The following CEP72 variants were observed in gnomAD, a reference collection of about 807,000 sequenced individuals.
CEP72 encodes centrosomal protein 72.
Under a neutral mutation model 65.7 loss-of-function variants are expected in CEP72, and 78 were observed. The observed-to-expected ratio is 1.19, with a 90% confidence interval of 0.99 to 1.43. The LOEUF is 1.43. Among genes scored for constraint, CEP72 ranks in the 40% most tolerant of loss-of-function variants. The probability of loss-of-function intolerance (pLI) is 0.00; values close to 1 mark genes in which losing one functional copy is unlikely to be tolerated. For missense variants in CEP72, 914 were observed against 832.9 expected, an observed-to-expected ratio of 1.10 and a Z score of -1.20; for synonymous variants, 358 against 351.7, an observed-to-expected ratio of 1.02 and a Z score of -0.20.
chr5:624,196 T>C lies in CEP72; in HGVS notation c.404-275T>C, dbSNP rs1736583214. On this transcript the variant is annotated intron_variant, in intron 3 of 11. Coordinates refer to ENST00000264935, the MANE Select transcript of CEP72 (RefSeq NM_018140.4). The surrounding 1 kb of genome is among the most constrained non-coding windows in gnomAD (Gnocchi z 4.7). Reference sequence around the variant, plus strand: ...CCCACCCCGCACCCGGTGTGCACTTTAGAGAAAGGGTGTGCGTGTGTGTGT... The same window carrying C: ...CCCACCCCGCACCCGGTGTGCACTTCAGAGAAAGGGTGTGCGTGTGTGTGT... 6.6e-6 allele frequency among the ~76,000 whole-genome samples: 1 copy of C among 152,182 alleles called. No homozygotes were observed. The highest frequency in any genetic ancestry group is 6.5e-5 in the Admixed American group (1 of 15,280).
At chr5:654,090 T>C (rs1431834867), downstream of CEP72, among the ~76,000 whole-genome samples, 27 of 137,156 alleles carry the variant, frequency 2.0e-4, no homozygotes, top group Non-Finnish European at 3.3e-4. Context: ...AGTGTGTGTG[T>C]GCTAGCTGTG....
intron 11 of CEP72, among the ~76,000 whole-genome samples, chr5:648,896 G>A (rs1433325113): frequency 1.2e-4 from 15 of 129,498 alleles, no homozygotes; most frequent in East Asian, 2.6e-4. Flanking sequence ...ACTGTGAGGC[G>A]TGGACTGTGA....
Position 628,298 on chromosome 5 carries a change from A to G in CEP72, c.512+3719A>G, listed in dbSNP as rs542922080. On this transcript the variant is annotated intron_variant, in intron 4 of 11. Transcript: ENST00000264935. ...TGGAAGATGACGTGGGTCAATGTCC[A>G]TACCGCACAGAGGAGGTGGGGGACG... Among the ~76,000 whole-genome samples the G allele has an allele frequency of 1.2e-4, 18 of 152,380 alleles. 1 individual carries two copies. The South Asian group carries it at 3.3e-3, about 28-fold the overall frequency.
chr5:671,517 TG>T (rs1740223788), downstream of CEP72, among the ~76,000 whole-genome samples: 1 of 152,234 alleles, frequency 6.6e-6, no homozygotes, highest in South Asian at 2.1e-4. Flanking sequence ...GTCAGGCTCA[TG>T]GGGCAAAGTG....
Position 623,317 on chromosome 5 carries a change from G to A in CEP72, c.404-1154G>A, listed in dbSNP as rs1156602315. 2.0e-5 allele frequency among the ~76,000 whole-genome samples: 3 copies of A among 152,248 alleles called. No homozygotes were observed. The highest frequency in any genetic ancestry group is 4.4e-5 in the Non-Finnish European group (3 of 68,044). On this transcript the variant is annotated intron_variant, in intron 3 of 11. Transcript: ENST00000264935. This position sits in a 1 kb window ranked among gnomAD's most constrained non-coding sequence, Gnocchi z 5.3. Reference sequence around the variant, plus strand: ...CCACGGAGGTGCGGGGCCCCGGGACGGCCTGCTGCCCTGCGTGGTGCCTCC... The same window carrying A: ...CCACGGAGGTGCGGGGCCCCGGGACAGCCTGCTGCCCTGCGTGGTGCCTCC...
At chr5:636,339 C>T (rs1300613056) in intron 6 of CEP72, among the ~76,000 whole-genome samples, 9 of 152,182 alleles carry the variant, frequency 5.9e-5, no homozygotes, top group African/African-American at 1.7e-4. Flanking sequence ...TTTCTCTGCA[C>T]GTGTGTGTGT....
intron 8 of CEP72, among the ~76,000 whole-genome samples, chr5:639,774 C>G (rs1737876320): frequency 6.6e-6 from 1 of 152,220 alleles, no homozygotes; most frequent in African/African-American, 2.4e-5. Context: ...CCCAGGGGCA[C>G]CTTCTCTTTG....
At chr5:612,490 G>A (rs1041581983) in intron 1 of CEP72, 47 bp downstream of exon 1, 6 of 1,372,308 alleles carry the variant, frequency 4.4e-6, no homozygotes, top group African/African-American at 3.0e-5. Flanking sequence ...TGGCGGGGGG[G>A]TGGGTGCCGA....
At chr5:636,711 G>C (rs1737624604) in intron 6 of CEP72, among the ~76,000 whole-genome samples, 1 of 151,142 alleles carries the variant, frequency 6.6e-6, no homozygotes, top group Non-Finnish European at 1.5e-5. Flanking sequence ...TCAGGAGGCT[G>C]AGGCATGAGA....
chr5:649,233 AGGTGT>A lies in CEP72; in HGVS notation c.1778+1319_1778+1323del, dbSNP rs1228966435. On this transcript the variant is annotated intron_variant, in intron 11 of 11. Coordinates refer to ENST00000264935, the MANE Select transcript of CEP72 (RefSeq NM_018140.4). ...GTGTGGACTGTGAGGTGTGACTGTG[AGGTGT>A]GACTGTGAGGTGTGGACTGTGAGGT... 5.8e-4 allele frequency among the ~76,000 whole-genome samples: 47 copies of A among 81,056 alleles called. 1 individual carries two copies. Among genetic ancestry groups the A allele is most frequent in the African/African-American group, 2.7e-3 (45 of 16,952 alleles). The allele number at this position is 81,056 out of a possible 152,430, so 53.2% of individuals were successfully genotyped here. A position where few individuals can be genotyped will look rare whatever the true frequency, so the allele number is the denominator to read the frequency against.
chr5:628,889 G>C (rs972611787), intron 4 of CEP72, among the ~76,000 whole-genome samples: 1 of 110,300 alleles, frequency 9.1e-6, no homozygotes, highest in Non-Finnish European at 1.9e-5. Context: ...TCAGGTTGCC[G>C]TCCCTGGGGA....
chr5:664,006 GGGCTCTGCTCAGCCCCCTGCT>G (rs1467876512), intron 2 of CEP72: 2 of 152,578 alleles, frequency 1.3e-5, no homozygotes. Flanking sequence ...TGTCCTGGAT[GGGCTCTGCTCAGCCCCCTGCT>G]GGCAGAGAAA....
chr5:614,653 G>A lies in CEP72; in HGVS notation c.82+2210G>A, dbSNP rs112166933. ...TGGGATTACAGGCATGATCCACCGC[G>A]CCCGGCCTGACCTGTGGATTTTTAA... On this transcript the variant is annotated intron_variant, in intron 1 of 11. Transcript: ENST00000264935. Among the ~76,000 whole-genome samples the A allele has an allele frequency of 6.1e-4, 93 of 152,030 alleles. 1 individual carries two copies. The highest frequency in any genetic ancestry group is 1.8e-3 in the African/African-American group (75 of 41,468).
In CEP72 at chr5:637,746, G is replaced by T. The variant is rs776362091; in HGVS notation, c.1134G>T (p.Gly378=). 32 of 1,612,572 alleles carry T rather than the reference G, an allele frequency of 2.0e-5. No individual in the cohort carries two copies. Among genetic ancestry groups the T allele is most frequent in the Non-Finnish European group, 2.7e-5 (32 of 1,179,526 alleles). The change falls in exon 7 of 12, where the codon GGG becomes GGT. Residue 378 remains glycine (G), a synonymous_variant. Coordinates refer to ENST00000264935, the MANE Select transcript of CEP72 (RefSeq NM_018140.4). ...SRQDSSESRN[G]RTLSQPEASE... ...AGGACAGCTCAGAAAGCAGGAACGG[G>T]AGGACCTTGTCTCAGCCTGAGGCCT... is the stretch of plus-strand genomic sequence containing the variant.
At chr5:639,588 C>T (rs981461345) in intron 8 of CEP72, among the ~76,000 whole-genome samples, 71 of 152,308 alleles carry the variant, frequency 4.7e-4, no homozygotes, top group African/African-American at 1.7e-3. Context: ...CCGACCCAGA[C>T]GTGTAGCCTG....
At chr5:626,550 T>G (rs1269647169) in intron 4 of CEP72, among the ~76,000 whole-genome samples, 1 of 152,248 alleles carries the variant, frequency 6.6e-6, no homozygotes, top group Non-Finnish European at 1.5e-5. Context: ...CCAGCCACAG[T>G]GGCTAACACC....
At position 633,897 on chromosome 5, in the gene CEP72, G is replaced by A; in HGVS notation, c.641G>A (p.Ser214Asn). The A allele has an allele frequency of 1.2e-6, 2 of 1,613,248 alleles. No individual in the cohort carries two copies. Among genetic ancestry groups the A allele is most frequent in the Non-Finnish European group, 1.7e-6 (2 of 1,180,038 alleles). Residue 214 changes from serine to asparagine, a missense_variant, in exon 5 of 12, where the codon AGC (serine) becomes AAC (asparagine). By Grantham distance (46) the Ser-to-Asn change is conservative (BLOSUM62 1). Coordinates refer to ENST00000264935, the MANE Select transcript of CEP72 (RefSeq NM_018140.4). ...CEWDLGRPPGSTSFSQKGREA... is the reference protein window; with the variant it reads ...CEWDLGRPPGNTSFSQKGREA... ...TGGGACCTCGGCAGGCCTCCCGGGA[G>A]CACGAGCTTCAGCCAGAAGGGGCGT...
chr5:619,766 G>C (rs1036921463), intron 2 of CEP72, among the ~76,000 whole-genome samples: 1 of 152,190 alleles, frequency 6.6e-6, no homozygotes, highest in Admixed American at 6.5e-5. Flanking sequence ...CCTGTAGGGC[G>C]GCGTGTGGAT....
chr5:629,191 A>G (rs1243237475), intron 4 of CEP72, among the ~76,000 whole-genome samples: 1 of 152,364 alleles, frequency 6.6e-6, no homozygotes, highest in East Asian at 1.9e-4. Context: ...CTCTGTATAG[A>G]GGGTCACCAT....
Sources: gnomAD v4.1 joint callset for allele counts (sites outside exome capture counted in the v4.1 genomes callset) on GRCh38, gnomAD v4.1.1 for gene constraint, Gnocchi (gnomAD v3.1) non-coding constraint, MANE v1.5 for transcripts, NCBI Gene and HGNC (gene_info 2026-07-23, HGNC 2026-07-21) for gene names.